CAPRIN2: variants seen among roughly 807,000 people sequenced by gnomAD.
The protein encoded by CAPRIN2 is caprin-2.
In CAPRIN2, 66 loss-of-function variants were observed where a neutral mutation model predicts 130.4. That is an observed-to-expected ratio of 0.51 (90% CI 0.42 to 0.62). The LOEUF is 0.62. Among genes scored for constraint, CAPRIN2 ranks in the 20% least tolerant of loss-of-function variants. The pLI, the probability that CAPRIN2 is intolerant of heterozygous loss-of-function variation, is 0.00. For synonymous variants in CAPRIN2, 471 were observed against 444.1 expected (o/e 1.06, Z -0.76); for missense variants, 1,185 against 1,246.6 (o/e 0.95, Z 0.74).
chr12:30,751,763 A>C (rs897717246), intron 1 of CAPRIN2: 1 of 144,416 alleles, frequency 6.9e-6, no homozygotes, highest in African/African-American at 2.7e-5. Context: ...TTGGAAGTAC[A>C]GAAACACCAA....
At chr12:30,711,693 C>T (rs776182734) in intron 15 of CAPRIN2, 64 bp from the exon 18 acceptor site, 2 of 1,324,034 alleles carry the variant, frequency 1.5e-6, no homozygotes, top group South Asian at 1.2e-5. Context: ...GGTTATTACA[C>T]AGGACTACCG....
At chr12:30,729,650 C>T (rs993335350) in intron 7 of CAPRIN2, among the ~76,000 whole-genome samples, 2 of 152,314 alleles carry the variant, frequency 1.3e-5, no homozygotes, top group South Asian at 2.1e-4. Flanking sequence ...AGCCTTAGGA[C>T]CATTCTCCCC....
chr12:30,716,819 G>A, intron 12 of CAPRIN2, 143 bp from the exon 15 acceptor site: 1 of 656,304 alleles, frequency 1.5e-6, no homozygotes, highest in Non-Finnish European at 2.6e-6. Flanking sequence ...GAAGATAAAT[G>A]GCAAATAAGC....
At chr12:30,735,024 A>C in exon 4 of CAPRIN2, 1 of 1,614,150 alleles carries the variant, frequency 6.2e-7, no homozygotes, top group East Asian at 2.2e-5. Context: ...TGAGGTAGTC[A>C]AGTTCTTTTG....
intron 3 of CAPRIN2, 110 bp from the exon 5 acceptor site, chr12:30,735,316 A>G (rs538799700): frequency 1.6e-5 from 13 of 823,088 alleles, no homozygotes; most frequent in Admixed American, 1.2e-4. Context: ...GATAAATCTC[A>G]TGACTGTCAA....
At chr12:30,733,825 T>C in intron 4 of CAPRIN2, 114 bp from the exon 6 acceptor site, 1 of 738,498 alleles carries the variant, frequency 1.4e-6, no homozygotes, top group Non-Finnish European at 2.4e-6. Context: ...ATGTTAATTT[T>C]GTCTTTTTGC....
intron 3 of CAPRIN2, among the ~76,000 whole-genome samples, chr12:30,740,312 CA>C (rs1489966623): frequency 1.3e-5 from 2 of 151,596 alleles, no homozygotes; most frequent in Non-Finnish European, 2.9e-5. Flanking sequence ...TGAAAATATC[CA>C]AAAAAATAGA....
rs1470345243 is a variant in CAPRIN2 at position 30,753,522 on chromosome 12, T to G, written c.242A>C (p.Asn81Thr). The G allele has an allele frequency of 1.2e-5, 20 of 1,614,048 alleles. No individual in the cohort carries two copies. Among genetic ancestry groups the G allele is most frequent in the Non-Finnish European group, 1.6e-5 (19 of 1,180,046 alleles). Residue 81 changes from asparagine (N) to threonine (T), a missense_variant, in exon 1 of 17, where the codon AAT (asparagine) becomes ACT (threonine). This residue lies in a region of CAPRIN2 where 1,104 missense variants were observed against 1,104.3 expected (regional missense o/e 1.00). Coordinates refer to ENST00000298892, the Ensembl canonical transcript of CAPRIN2. The stretch of plus-strand genomic sequence containing the variant: ...CACTTGGGGCTTGGCTGACTTCATA[T>G]TCCCCTCTCTTTCCTCCTCTGAATG...
Position 30,730,744 on chromosome 12 carries a change from G to A in CAPRIN2, c.1061-462C>T, listed in dbSNP as rs577452415. ...CTGCACTTAGTATTAAGAACTAAGG[G>A]GAAATAAACATGGAAAATGGTTTCG... On this transcript the variant is annotated intron_variant, in intron 6 of 16. Transcript: ENST00000298892. Among the ~76,000 whole-genome samples, 4 of 152,164 alleles carry A rather than the reference G, an allele frequency of 2.6e-5. No individual in the cohort carries two copies. The South Asian group carries it at 6.2e-4, about 24-fold the overall frequency.
chr12:30,734,463 T>C (rs1278589192), intron 4 of CAPRIN2, among the ~76,000 whole-genome samples: 2 of 152,200 alleles, frequency 1.3e-5, no homozygotes, highest in Non-Finnish European at 2.9e-5. Context: ...GGTTTTGTAT[T>C]TTAAACTATC....
chr12:30,717,487 C>T (rs4931363), intron 12 of CAPRIN2, among the ~76,000 whole-genome samples: 1 of 151,942 alleles, frequency 6.6e-6, no homozygotes, highest in African/African-American at 2.4e-5. Flanking sequence ...TGACAAAGTT[C>T]TGAAAGTAGT....
chr12:30,742,719 AC>A (rs1389093855), intron 2 of CAPRIN2, among the ~76,000 whole-genome samples: 9 of 152,098 alleles, frequency 5.9e-5, no homozygotes, highest in Non-Finnish European at 1.3e-4. Context: ...GCAAGGGAAA[AC>A]TTCAGGGTCA....
chr12:30,710,450 G>A lies in CAPRIN2; in HGVS notation c.2686C>T (p.Gln896Ter). The change falls in exon 17 of 17, where the codon CAG becomes TAG. Residue 896 changes from glutamine to a stop codon, truncating the protein, a stop_gained. Coordinates refer to ENST00000298892, the Ensembl canonical transcript of CAPRIN2. LOFTEE classifies it high-confidence loss of function. This position sits in a 1 kb window ranked among gnomAD's most constrained non-coding sequence, Gnocchi z 4.8. ...TTGTCTCTTTCTGGGCTGCTCACCT[G>A]AGAAGAATCACTCCACCCTGCTGTT... 1 of 1,614,064 alleles carries A rather than the reference G, an allele frequency of 6.2e-7. No individual in the cohort carries two copies. The highest frequency in any genetic ancestry group is 8.5e-7 in the Non-Finnish European group (1 of 1,179,978).
chr12:30,744,817 C>A (rs971892378), intron 2 of CAPRIN2, among the ~76,000 whole-genome samples: 3 of 152,106 alleles, frequency 2.0e-5, no homozygotes, highest in African/African-American at 4.8e-5. Context: ...AAGTACAGCA[C>A]CTCCTAGAGT....
chr12:30,726,608 A>G (rs1237138657), intron 8 of CAPRIN2, among the ~76,000 whole-genome samples: 1 of 152,212 alleles, frequency 6.6e-6, no homozygotes, highest in Non-Finnish European at 1.5e-5. Context: ...GGCTACTGAT[A>G]TCCATCCTAA....
At chr12:30,714,995 T>G in exon 14 of CAPRIN2, 1 of 1,613,992 alleles carries the variant, frequency 6.2e-7, no homozygotes, top group Non-Finnish European at 8.5e-7. Context: ...GAATTGGTTA[T>G]TAATCTCCCA....
At chr12:30,734,849 AACACACACACACACACACAC>A (rs10557103) in intron 4 of CAPRIN2, 99 bp downstream of exon 5, 224 of 626,866 alleles carry the variant, frequency 3.6e-4, no homozygotes, top group African/African-American at 3.4e-3. Flanking sequence ...CCCCCTCTCT[AACACACACACACACACACAC>A]ACACACACAC....
chr12:30,713,380 T>G (rs2056028042), intron 15 of CAPRIN2, among the ~76,000 whole-genome samples: 1 of 152,194 alleles, frequency 6.6e-6, no homozygotes, highest in Non-Finnish European at 1.5e-5. Context: ...TTAGGCAAGT[T>G]AAGCTGAAGG....
chr12:30,715,026 AGATCCCC>A lies in CAPRIN2; in HGVS notation c.2426_2432del (p.Arg809LeufsTer11). The A allele has an allele frequency of 6.2e-7, 1 of 1,614,090 alleles. No individual in the cohort carries two copies. Among genetic ancestry groups the A allele is most frequent in the Non-Finnish European group, 8.5e-7 (1 of 1,179,956 alleles). On this transcript the variant is annotated frameshift_variant, in exon 14 of 17. Transcript: ENST00000298892. LOFTEE classifies it high-confidence loss of function. ...TCCCACCACGAGTACATCCTCTAAC[AGATCCCC>A]GGCTATTGACAAATGGCTGAGTAGG...
Sources: allele counts gnomAD v4.1 joint callset (sites outside exome capture counted in the v4.1 genomes callset), GRCh38; gene constraint gnomAD v4.1.1; regional missense constraint gnomAD v4.1.1; non-coding constraint Gnocchi (gnomAD v3.1); transcripts MANE v1.5; gene names NCBI Gene and HGNC (gene_info 2026-07-23, HGNC 2026-07-21).